B3GAT2: variants seen among roughly 807,000 people sequenced by gnomAD.
B3GAT2 encodes galactosylgalactosylxylosylprotein 3-beta-glucuronosyltransferase 2.
B3GAT2 carries 26 observed loss-of-function variants against 27.8 expected under a neutral mutation model. The observed-to-expected ratio is 0.93, with a 90% CI of 0.68 to 1.30. B3GAT2 has a LOEUF of 1.30. Among genes scored for constraint, B3GAT2 ranks in the 50% most tolerant of loss-of-function variants. B3GAT2 has a pLI of 0.00. For synonymous variants in B3GAT2, 218 were observed against 195.1 expected (o/e 1.12, Z -0.98); for missense variants, 458 against 459.0 (o/e 1.00, Z 0.02).
intron 1 of B3GAT2, among the ~76,000 whole-genome samples, chr6:70,902,114 G>A (rs1201433378): frequency 6.6e-6 from 1 of 152,068 alleles, no homozygotes; most frequent in Non-Finnish European, 1.5e-5. Flanking sequence ...GTCTAGGAGG[G>A]GCCTGACTGG....
In B3GAT2 at chr6:70,905,230, G is replaced by A. The variant is rs138326930; in HGVS notation, c.592-10958C>T. ...TGTATAGTGGTGTAATTATGATGAT[G>A]CTGCTGAGGAAACGCAAGAGTTACT... On this transcript the variant is annotated intron_variant, in intron 1 of 3. Transcript: ENST00000230053. 2.6e-4 allele frequency among the ~76,000 whole-genome samples: 40 copies of A among 152,282 alleles called. 1 individual carries two copies. The East Asian group carries it at 6.6e-3, about 25-fold the overall frequency.
At chr6:70,934,224 T>C (rs554788856) in intron 1 of B3GAT2, among the ~76,000 whole-genome samples, 1 of 152,322 alleles carries the variant, frequency 6.6e-6, no homozygotes, top group South Asian at 2.1e-4. Context: ...ATGGAATATG[T>C]GAATGCAGAT....
At position 70,956,687 on chromosome 6, in the gene B3GAT2, C is replaced by T; in HGVS notation, c.-258G>A. On this transcript the variant is annotated 5_prime_UTR_variant, in exon 1 of 4. Coordinates refer to ENST00000230053, the MANE Select transcript of B3GAT2 (RefSeq NM_080742.3). ...CTGCCCCCGACTCCAGGTGAGCTGG[C>T]GGGAAGCGGGACTCGGTCCAGCCGC... is the stretch of plus-strand genomic sequence containing the variant. The T allele has an allele frequency of 7.3e-7, 1 of 1,372,746 alleles. No homozygotes were observed. Among genetic ancestry groups the T allele is most frequent in the African/African-American group, 1.5e-5 (1 of 65,608 alleles). 85.0% of individuals were successfully genotyped at this position (1,372,746 alleles called of 1,614,324 possible).
intron 2 of B3GAT2, among the ~76,000 whole-genome samples, chr6:70,872,501 G>A (rs965487516): frequency 6.0e-5 from 7 of 115,728 alleles, no homozygotes; most frequent in Admixed American, 1.8e-4. Context: ...AATCATTCCC[G>A]TTCTTTTTTT....
At chr6:70,918,218 A>G (rs1417589039) in intron 1 of B3GAT2, among the ~76,000 whole-genome samples, 2 of 152,106 alleles carry the variant, frequency 1.3e-5, no homozygotes, top group Non-Finnish European at 2.9e-5. Flanking sequence ...AGAGACCAGG[A>G]TGGCAAACCC....
At position 70,857,575 on chromosome 6, in the gene B3GAT2, C is replaced by G; in HGVS notation, c.*4088G>C. On this transcript the variant is annotated 3_prime_UTR_variant, in exon 4 of 4. Coordinates refer to ENST00000230053, the MANE Select transcript of B3GAT2 (RefSeq NM_080742.3). ...AGCGAGATATAGTCAGCTCTCACTT[C>G]CCTGTTTCGTACTGGGGGACCAGTG... 4.0e-6 allele frequency: 1 copy of G among 248,302 alleles called. No homozygotes were observed. Among genetic ancestry groups the G allele is most frequent in the Non-Finnish European group, 7.8e-6 (1 of 127,734 alleles). 15.4% of individuals were successfully genotyped at this position (248,302 alleles called of 1,614,324 possible).
chr6:70,858,037 G>A lies in B3GAT2; in HGVS notation c.*3626C>T, dbSNP rs757848545. ...CAGCTCCTGGCCTTATAGGAAATGT[G>A]ATGGGACAGAGTCCAAGCATGATGG... On this transcript the variant is annotated 3_prime_UTR_variant, in exon 4 of 4. Coordinates refer to ENST00000230053, the MANE Select transcript of B3GAT2 (RefSeq NM_080742.3). 1.9e-6 allele frequency: 3 copies of A among 1,614,146 alleles called. No individual in the cohort carries two copies. Among genetic ancestry groups the A allele is most frequent in the Non-Finnish European group, 2.5e-6 (3 of 1,180,002 alleles).
chr6:70,894,737 C>T (rs1250054589), intron 1 of B3GAT2, among the ~76,000 whole-genome samples: 7 of 152,186 alleles, frequency 4.6e-5, no homozygotes, highest in Admixed American at 4.6e-4. Flanking sequence ...ACACAGAATT[C>T]TTGGCTGGGG....
At chr6:70,862,673 C>T (rs532532671) in intron 2 of B3GAT2, among the ~76,000 whole-genome samples, 21 of 152,066 alleles carry the variant, frequency 1.4e-4, no homozygotes, top group South Asian at 4.2e-4. Context: ...TTTGGTCATA[C>T]GAAAAATCAT....
intron 2 of B3GAT2, among the ~76,000 whole-genome samples, chr6:70,868,944 T>A (rs540970166): frequency 8.3e-4 from 127 of 152,258 alleles, no homozygotes; most frequent in Admixed American, 1.5e-3. Context: ...CCCCTCCTTA[T>A]TGAGATATAA....
chr6:70,950,144 T>G (rs940540037), intron 1 of B3GAT2, among the ~76,000 whole-genome samples: 3 of 151,876 alleles, frequency 2.0e-5, no homozygotes, highest in African/African-American at 4.8e-5. Flanking sequence ...GCATGGCACA[T>G]GTATACATAT....
chr6:70,950,290 A>G (rs927297481), intron 1 of B3GAT2, among the ~76,000 whole-genome samples: 1 of 75,584 alleles, frequency 1.3e-5, no homozygotes, highest in Admixed American at 1.5e-4. Flanking sequence ...TTTTCTTGCA[A>G]AAAAAAAAAA....
rs2150055191 is a variant in B3GAT2, at chr6:70,956,112, G to T, written c.318C>A (p.Arg106=). 3 of 1,601,906 alleles carry T rather than the reference G, an allele frequency of 1.9e-6. No individual in the cohort carries two copies. Among genetic ancestry groups the T allele is most frequent in the East Asian group, 2.3e-5 (1 of 44,318 alleles). The change falls in exon 1 of 4, where the codon CGC becomes CGA. Residue 106 remains arginine, a synonymous_variant. Coordinates refer to ENST00000230053, the MANE Select transcript of B3GAT2 (RefSeq NM_080742.3). ...GGATCCAGTGCAGCTGCGCCACCTG[G>T]CGGAACGTGTTGGCCAGGCGGGTCA... ...AELTRLANTF[R]QVAQLHWILV... is the part of the protein sequence containing the mutation.
intron 1 of B3GAT2, among the ~76,000 whole-genome samples, chr6:70,954,048 T>C (rs1433169726): frequency 2.0e-5 from 3 of 152,200 alleles, no homozygotes; most frequent in African/African-American, 7.2e-5. Flanking sequence ...CTTCACAATC[T>C]AGCCTCCTAC....
chr6:70,952,209 C>T (rs1765588855), intron 1 of B3GAT2, among the ~76,000 whole-genome samples: 1 of 152,190 alleles, frequency 6.6e-6, no homozygotes, highest in Non-Finnish European at 1.5e-5. Context: ...TAGTTCATTG[C>T]TTTCCAGAAA....
intron 1 of B3GAT2, among the ~76,000 whole-genome samples, chr6:70,947,259 C>CA (rs1246418563): frequency 6.6e-6 from 1 of 151,398 alleles, no homozygotes; most frequent in Non-Finnish European, 1.5e-5. Flanking sequence ...AATAGAGACA[C>CA]AAAAAACCCT....
At chr6:70,925,898 G>T (rs1267984268) in intron 1 of B3GAT2, among the ~76,000 whole-genome samples, 2 of 152,208 alleles carry the variant, frequency 1.3e-5, no homozygotes, top group Admixed American at 1.3e-4. Flanking sequence ...CTCCCAGTAG[G>T]GGCCGACTGA....
chr6:70,920,008 G>A (rs1170779510), intron 1 of B3GAT2, among the ~76,000 whole-genome samples: 3 of 152,186 alleles, frequency 2.0e-5, no homozygotes, highest in Non-Finnish European at 4.4e-5. Context: ...CTGCCCCCGA[G>A]GTAGAATCTA....
intron 1 of B3GAT2, among the ~76,000 whole-genome samples, chr6:70,944,823 C>A (rs947549932): frequency 4.6e-5 from 7 of 152,192 alleles, no homozygotes; most frequent in Admixed American, 1.3e-4. Context: ...AGGCACCCCC[C>A]AGTAGGGGCA....
Sources: allele counts gnomAD v4.1 joint callset (sites outside exome capture counted in the v4.1 genomes callset), GRCh38; gene constraint gnomAD v4.1.1; transcripts MANE v1.5; gene names NCBI Gene and HGNC (gene_info 2026-07-23, HGNC 2026-07-21).